Variants in NDUFA5 observed in about 807,000 individuals in gnomAD.
NDUFA5 encodes the protein NADH dehydrogenase [ubiquinone] 1 alpha subcomplex subunit 5.
NDUFA5 carries 11 observed loss-of-function variants against 19.8 expected under a neutral mutation model. The ratio of observed to expected loss-of-function variants is 0.56; its 90% confidence interval spans 0.35 to 0.92. The LOEUF (loss-of-function observed/expected upper bound fraction) is 0.92, where lower values mean the gene tolerates loss of function less well. Ranked by LOEUF, NDUFA5 falls within the 40% of genes least tolerant of loss-of-function variation. NDUFA5 has a pLI of 0.01. For missense variants in NDUFA5, 109 were observed against 134.2 expected (o/e 0.81, Z 0.93); for synonymous variants, 47 against 46.8 (o/e 1.00, Z -0.01).
chr7:123,586,596 TC>T, the NDUFA5 span, among the ~76,000 whole-genome samples: 2 of 151,840 alleles, frequency 1.3e-5, 1 homozygote, highest in Non-Finnish European at 2.9e-5. Context: ...TTATTGCCTG[TC>T]CTTTTGGTGT....
the NDUFA5 span, among the ~76,000 whole-genome samples, chr7:123,575,948 A>C: frequency 1.3e-5 from 2 of 150,816 alleles, no homozygotes; most frequent in African/African-American, 4.9e-5. Flanking sequence ...ATTTCAGGAA[A>C]ATTTTCTTGA....
At chr7:123,594,441 T>C in the NDUFA5 span, among the ~76,000 whole-genome samples, 1 of 152,196 alleles carries the variant, frequency 6.6e-6, no homozygotes. Context: ...TCTTTGTTGT[T>C]GGTGACCTAC....
At chr7:123,583,067 A>C in the NDUFA5 span, among the ~76,000 whole-genome samples, 1 of 151,976 alleles carries the variant, frequency 6.6e-6, no homozygotes, top group Non-Finnish European at 1.5e-5. Flanking sequence ...CTTTAAAATT[A>C]TAGACTGTTC....
the NDUFA5 span, among the ~76,000 whole-genome samples, chr7:123,584,527 T>C: frequency 1.3e-5 from 2 of 151,944 alleles, no homozygotes; most frequent in African/African-American, 4.8e-5. Flanking sequence ...CTTAGTAGAA[T>C]CTATCTTTTC....
At chr7:123,582,712 G>A in the NDUFA5 span, among the ~76,000 whole-genome samples, 1 of 151,800 alleles carries the variant, frequency 6.6e-6, no homozygotes, top group Non-Finnish European at 1.5e-5. Flanking sequence ...ATCGTCTAAG[G>A]CATACTCTTG....
At chr7:123,548,215 A>G (rs188606027) in intron 3 of NDUFA5, among the ~76,000 whole-genome samples, 10 of 152,320 alleles carry the variant, frequency 6.6e-5, no homozygotes, top group Non-Finnish European at 1.3e-4. Flanking sequence ...AAAATCTGTG[A>G]TAATTTTACC....
the NDUFA5 span, among the ~76,000 whole-genome samples, chr7:123,587,018 T>C: frequency 6.6e-6 from 1 of 151,864 alleles, no homozygotes; most frequent in South Asian, 2.1e-4. Context: ...GCTTTCAGCT[T>C]TGGTCTTTCT....
intron 4 of NDUFA5, among the ~76,000 whole-genome samples, chr7:123,543,476 C>T (rs1368198658): frequency 2.0e-5 from 3 of 152,040 alleles, no homozygotes; most frequent in Non-Finnish European, 1.5e-5. Flanking sequence ...GCAGCTAGTC[C>T]AAATTCAGAT....
intron 4 of NDUFA5, among the ~76,000 whole-genome samples, chr7:123,543,160 A>G (rs1179360007): frequency 6.6e-6 from 1 of 152,244 alleles, no homozygotes; most frequent in Non-Finnish European, 1.5e-5. Flanking sequence ...TCAGGGGTAG[A>G]GGTATTACTA....
At chr7:123,592,859 T>C in the NDUFA5 span, among the ~76,000 whole-genome samples, 1 of 152,188 alleles carries the variant, frequency 6.6e-6, no homozygotes, top group African/African-American at 2.4e-5. Context: ...TGTCCAATAT[T>C]GACAGTGCGG....
At chr7:123,574,356 C>T in the NDUFA5 span, among the ~76,000 whole-genome samples, 3 of 152,046 alleles carry the variant, frequency 2.0e-5, no homozygotes, top group South Asian at 4.2e-4. Flanking sequence ...TAGTATATGT[C>T]GGAATCACCT....
At chr7:123,557,690 G>C (rs754121952) in intron 1 of NDUFA5, 85 bp downstream of exon 1, 1 of 1,613,892 alleles carries the variant, frequency 6.2e-7, no homozygotes, top group Non-Finnish European at 8.5e-7. Context: ...GCGACAGTAG[G>C]GGTCAACACC....
chr7:123,542,259 CTCT>C, intron 4 of NDUFA5, 39 bp from the exon 5 acceptor site: 1 of 1,439,988 alleles, frequency 6.9e-7, no homozygotes, highest in Non-Finnish European at 9.7e-7. Context: ...TTGGATTTTA[CTCT>C]TCAACAGATA....
the NDUFA5 span, among the ~76,000 whole-genome samples, chr7:123,572,131 CTTTTTTTTTTTTTTTT>C: frequency 4.2e-5 from 2 of 47,978 alleles, no homozygotes; most frequent in African/African-American, 8.8e-5. Flanking sequence ...TGTAGAATTT[CTTTTTTTTTTTTTTTT>C]TTTTTTTTTT....
At chr7:123,561,676 C>A (rs1798689805), upstream of NDUFA5, among the ~76,000 whole-genome samples, 1 of 152,146 alleles carries the variant, frequency 6.6e-6, no homozygotes, top group Non-Finnish European at 1.5e-5. Flanking sequence ...TGGCTCACTG[C>A]AACCTCTGCT....
At chr7:123,588,853 A>G in the NDUFA5 span, among the ~76,000 whole-genome samples, 151 of 151,384 alleles carry the variant, frequency 1.0e-3, 1 homozygote, top group Middle Eastern at 0.017. Flanking sequence ...AGTGTGTTTA[A>G]TCTTCACATA....
the NDUFA5 span, among the ~76,000 whole-genome samples, chr7:123,590,319 A>G: frequency 1.3e-5 from 2 of 152,066 alleles, no homozygotes; most frequent in Non-Finnish European, 2.9e-5. Context: ...GAAGCTCTTT[A>G]GTTTAATTAG....
intron 2 of NDUFA5, chr7:123,557,081 CG>C (rs1390056375): frequency 1.8e-6 from 1 of 564,782 alleles, no homozygotes; most frequent in Non-Finnish European, 3.4e-6. Flanking sequence ...TAAGCAGAAA[CG>C]GTAAGGCAAG....
At chr7:123,573,288 CT>C in the NDUFA5 span, among the ~76,000 whole-genome samples, 314 of 117,876 alleles carry the variant, frequency 2.7e-3, 1 homozygote, top group East Asian at 0.014. Context: ...TCTGGATTTG[CT>C]TTTTTTTTTT....
Sources: gnomAD v4.1 joint callset for allele counts (sites outside exome capture counted in the v4.1 genomes callset) on GRCh38, gnomAD v4.1.1 for gene constraint, MANE v1.5 for transcripts, NCBI Gene and HGNC (gene_info 2026-07-23, HGNC 2026-07-21) for gene names.